NINL: variants seen among roughly 807,000 people sequenced by gnomAD.
NINL encodes ninein like.
A neutral mutation model predicts 160.3 loss-of-function variants in NINL; 153 were observed. The ratio of observed to expected loss-of-function variants is 0.95; its 90% CI spans 0.84 to 1.09. NINL has a LOEUF of 1.09. NINL is among the 50% of genes least tolerant of loss of function. The pLI is 0.00. For missense variants in NINL, 1,829 were observed against 1,764.0 expected (o/e 1.04, Z -0.66); for synonymous variants, 800 against 734.8 (o/e 1.09, Z -1.43).
At position 25,462,567 on chromosome 20, in the gene NINL, T is replaced by A. The variant is rs767960931; in HGVS notation, c.3424-26A>T. ...CTGGGGGAAAAAGTTTTTAAATACA[T>A]AAGAAAAAAATGTTTTTAATTTTCA... On this transcript the variant is annotated intron_variant, in intron 19 of 23. Coordinates refer to ENST00000278886, the MANE Select transcript of NINL (RefSeq NM_025176.6). 6 of 1,576,118 alleles carry A rather than the reference T, an allele frequency of 3.8e-6. No homozygotes were observed. In the African/African-American group the frequency reaches 4.1e-5, roughly 11 times the overall value.
Position 25,498,274 on chromosome 20 carries a change from T to C in NINL, c.1105A>G (p.Thr369Ala), listed in dbSNP as rs1179991266. 11 of 1,613,422 alleles carry C rather than the reference T, an allele frequency of 6.8e-6. No individual in the cohort carries two copies. The highest frequency in any genetic ancestry group is 9.3e-6 in the Non-Finnish European group (11 of 1,180,026). The change falls in exon 9 of 24, where the codon ACA (threonine) becomes GCA (alanine). Residue 369 changes from threonine to alanine, a missense_variant. Thr to Ala is a moderately conservative substitution (Grantham distance 58). Coordinates refer to ENST00000278886, the MANE Select transcript of NINL (RefSeq NM_025176.6). ...GCCTGCTGGACGGCACTGTCCACTGTCATGAGCTCGTTGTCAAGGGCCCAG... is the reference window on the plus strand; with the variant it reads ...GCCTGCTGGACGGCACTGTCCACTGCCATGAGCTCGTTGTCAAGGGCCCAG... The part of the protein sequence containing the change: ...LTWALDNELM[T>A]VDSAVQQAAL...
At chr20:25,473,807 G>A (rs2075198594) in intron 17 of NINL, among the ~76,000 whole-genome samples, 1 of 152,086 alleles carries the variant, frequency 6.6e-6, no homozygotes, top group South Asian at 2.1e-4. Context: ...GGCAAAGGTT[G>A]CAGTGAGCTG....
At chr20:25,558,763 A>G (rs2064898495) in intron 1 of NINL, among the ~76,000 whole-genome samples, 1 of 152,240 alleles carries the variant, frequency 6.6e-6, no homozygotes, top group South Asian at 2.1e-4. Context: ...GTTTAGGCCA[A>G]GAGCAAGTAG....
intron 6 of NINL, among the ~76,000 whole-genome samples, chr20:25,504,570 C>T (rs2063927041): frequency 1.3e-5 from 2 of 152,160 alleles, no homozygotes; most frequent in African/African-American, 2.4e-5. Flanking sequence ...CTTGGCTGCG[C>T]AGTGGAACCC....
chr20:25,552,734 G>A (rs2064820362), intron 1 of NINL, among the ~76,000 whole-genome samples: 1 of 152,236 alleles, frequency 6.6e-6, no homozygotes, highest in African/African-American at 2.4e-5. Flanking sequence ...GCTATGTCCA[G>A]GAGAGAAAAA....
intron 1 of NINL, among the ~76,000 whole-genome samples, chr20:25,530,596 G>A (rs923546869): frequency 8.6e-5 from 13 of 152,032 alleles, no homozygotes; most frequent in African/African-American, 2.7e-4. Flanking sequence ...AGCATCGGCC[G>A]GTTTGAGAAA....
chr20:25,478,078 A>C (rs941230853), intron 16 of NINL, among the ~76,000 whole-genome samples: 11 of 151,822 alleles, frequency 7.2e-5, no homozygotes, highest in African/African-American at 2.7e-4. Flanking sequence ...CTTCCCGAGT[A>C]GCTGGGATTA....
intron 1 of NINL, chr20:25,540,060 C>A: frequency 7.8e-7 from 1 of 1,285,730 alleles, no homozygotes; most frequent in Non-Finnish European, 1.0e-6. Context: ...CTTCTTCATG[C>A]AAACTGAATT....
intron 1 of NINL, among the ~76,000 whole-genome samples, chr20:25,580,495 G>A (rs191440544): frequency 6.9e-4 from 105 of 152,274 alleles, no homozygotes; most frequent in Admixed American, 2.0e-3. Context: ...ACTCCAGGGA[G>A]ACTATACAGC....
chr20:25,460,698 A>G (rs542521534), intron 21 of NINL, among the ~76,000 whole-genome samples: 1 of 152,286 alleles, frequency 6.6e-6, no homozygotes, highest in Admixed American at 6.5e-5. Flanking sequence ...TCTGGGGTCC[A>G]TGCCCAGCTG....
At chr20:25,456,760 G>T (rs931069486) in intron 22 of NINL, among the ~76,000 whole-genome samples, 4 of 150,172 alleles carry the variant, frequency 2.7e-5, no homozygotes, top group African/African-American at 7.4e-5. Flanking sequence ...GTGAAATCCC[G>T]TCTCTACCAA....
chr20:25,463,222 G>A (rs1193845693), intron 19 of NINL, among the ~76,000 whole-genome samples: 3 of 152,142 alleles, frequency 2.0e-5, no homozygotes, highest in East Asian at 1.9e-4. Flanking sequence ...CCAGAAGGGA[G>A]TATATGCCAT....
intron 17 of NINL, among the ~76,000 whole-genome samples, chr20:25,471,996 A>T (rs1217611609): frequency 1.3e-5 from 2 of 152,156 alleles, no homozygotes; most frequent in Non-Finnish European, 2.9e-5. Context: ...AACTAAAAAT[A>T]AGTGTTATGA....
chr20:25,536,576 G>A (rs533162045), intron 1 of NINL, among the ~76,000 whole-genome samples: 21 of 152,282 alleles, frequency 1.4e-4, no homozygotes, highest in Non-Finnish European at 2.5e-4. Flanking sequence ...AACATTAGCT[G>A]GGCATGGTGG....
In NINL at chr20:25,453,468, C is replaced by T. The variant is rs141181350; in HGVS notation, c.4132G>A (p.Ala1378Thr). The change falls in exon 24 of 24, where the codon GCA becomes ACA. Residue 1378 changes from alanine (A) to threonine (T), a missense_variant. Ala to Thr is a moderately conservative substitution (Grantham distance 58). Transcript: ENST00000278886. ...ATCTGTCTTTACACAGAGAGGGCTG[C>T]GGGGGCAATCCTACTGACGAGTTTG... ...LNKLVSRIAP[A>T]ALSV is the part of the protein sequence containing the mutation. The T allele has an allele frequency of 7.5e-6, 12 of 1,609,882 alleles. No individual in the cohort carries two copies. Among genetic ancestry groups the T allele is most frequent in the South Asian group, 1.1e-5 (1 of 90,490 alleles).
At chr20:25,473,768 T>G (rs2063167483) in intron 17 of NINL, among the ~76,000 whole-genome samples, 1 of 151,738 alleles carries the variant, frequency 6.6e-6, no homozygotes, top group African/African-American at 2.4e-5. Context: ...CTTGGGAGGC[T>G]GATGCAGGAC....
chr20:25,584,636 C>T (rs2065207572), intron 1 of NINL, among the ~76,000 whole-genome samples: 1 of 152,238 alleles, frequency 6.6e-6, no homozygotes, highest in Admixed American at 6.5e-5. Flanking sequence ...TTCTCCAAGG[C>T]CCCGCCAGCT....
intron 1 of NINL, among the ~76,000 whole-genome samples, chr20:25,564,820 G>A (rs970588306): frequency 3.1e-5 from 4 of 129,032 alleles, no homozygotes; most frequent in Non-Finnish European, 6.8e-5. Context: ...AAAAAAAAAA[G>A]CTGAATAAAA....
chr20:25,535,967 C>T (rs770847994), intron 1 of NINL, among the ~76,000 whole-genome samples: 6 of 152,140 alleles, frequency 3.9e-5, no homozygotes, highest in African/African-American at 7.2e-5. Flanking sequence ...AAAACACCCG[C>T]GCCAAGCACA....
Sources: allele counts gnomAD v4.1 joint callset (sites outside exome capture counted in the v4.1 genomes callset), GRCh38; gene constraint gnomAD v4.1.1; transcripts MANE v1.5; gene names NCBI Gene and HGNC (gene_info 2026-07-23, HGNC 2026-07-21).